WDR93: variants seen among roughly 807,000 people sequenced by gnomAD.
WDR93 encodes WD repeat-containing protein 93.
A neutral mutation model predicts 82.9 loss-of-function variants in WDR93; 73 were observed. The observed-to-expected ratio is 0.88, with a 90% CI of 0.73 to 1.07. The LOEUF is 1.07. Among genes scored for constraint, WDR93 ranks in the 50% least tolerant of loss-of-function variants. The probability of loss-of-function intolerance (pLI) is 0.00; values close to 1 mark genes in which losing one functional copy is unlikely to be tolerated. For missense variants in WDR93, 738 were observed against 826.0 expected (o/e 0.89, Z 1.31); for synonymous variants, 283 against 300.1 (o/e 0.94, Z 0.59).
intron 1 of WDR93, among the ~76,000 whole-genome samples, chr15:89,700,994 A>G (rs1965434604): frequency 6.6e-6 from 1 of 152,158 alleles, no homozygotes; most frequent in South Asian, 2.1e-4. Context: ...ACACACACAC[A>G]CACACACACA....
chr15:89,713,611 T>A (rs1402001939), intron 5 of WDR93, among the ~76,000 whole-genome samples: 1 of 152,010 alleles, frequency 6.6e-6, no homozygotes, highest in Non-Finnish European at 1.5e-5. Flanking sequence ...TAGCTGGGAT[T>A]ACAGGTACCT....
chr15:89,714,871 G>A (rs1174891732), intron 5 of WDR93, 109 bp from the exon 6 acceptor site: 6 of 832,026 alleles, frequency 7.2e-6, no homozygotes, highest in Non-Finnish European at 1.1e-5. Flanking sequence ...CTGGTATGGA[G>A]GTGGCTGGTC....
intron 16 of WDR93, among the ~76,000 whole-genome samples, chr15:89,741,721 C>T (rs930195908): frequency 8.6e-5 from 13 of 151,948 alleles, no homozygotes; most frequent in Non-Finnish European, 1.6e-4. Context: ...TTCATATAAC[C>T]GGTTATATAA....
intron 5 of WDR93, among the ~76,000 whole-genome samples, chr15:89,712,422 T>C (rs1966032017): frequency 7.3e-6 from 1 of 137,382 alleles, no homozygotes; most frequent in Non-Finnish European, 1.6e-5. Flanking sequence ...TTTTTTTTGC[T>C]CCAAAGTTCA....
At chr15:89,692,429 C>A (rs1964940434) in intron 1 of WDR93, among the ~76,000 whole-genome samples, 1 of 152,140 alleles carries the variant, frequency 6.6e-6, no homozygotes, top group Non-Finnish European at 1.5e-5. Flanking sequence ...CAGGTCAGGG[C>A]AATTCTGCAA....
At chr15:89,729,659 G>A (rs769935562) in intron 10 of WDR93, 24 bp from the exon 11 acceptor site, 1 of 1,601,118 alleles carries the variant, frequency 6.2e-7, no homozygotes, top group South Asian at 1.1e-5. Flanking sequence ...CCCATTTTCT[G>A]TCTTTCCCCC....
chr15:89,739,998 C>T (rs1014869066), intron 16 of WDR93, among the ~76,000 whole-genome samples: 5 of 152,118 alleles, frequency 3.3e-5, no homozygotes, highest in Admixed American at 1.3e-4. Flanking sequence ...AGACCTTGGG[C>T]GAGTTACTCA....
intron 8 of WDR93, among the ~76,000 whole-genome samples, chr15:89,723,717 G>A (rs1388212821): frequency 2.0e-5 from 3 of 152,224 alleles, no homozygotes; most frequent in Non-Finnish European, 4.4e-5. Context: ...GACACTTGAT[G>A]CATTACAGAG....
intron 15 of WDR93, 89 bp from the exon 16 acceptor site, chr15:89,737,952 G>A: frequency 7.0e-7 from 1 of 1,433,768 alleles, no homozygotes; most frequent in Non-Finnish European, 9.4e-7. Context: ...TTTATAAGCA[G>A]AGAGCAGCCC....
chr15:89,709,642 G>A (rs899195321), intron 4 of WDR93, among the ~76,000 whole-genome samples: 3 of 152,028 alleles, frequency 2.0e-5, no homozygotes, highest in African/African-American at 2.4e-5. Flanking sequence ...AAAGGAGACA[G>A]TGTTTCGCCA....
chr15:89,731,728 A>G (rs1010350166), intron 12 of WDR93, among the ~76,000 whole-genome samples, 166 bp downstream of exon 12: 5 of 152,148 alleles, frequency 3.3e-5, no homozygotes, highest in African/African-American at 9.7e-5. Context: ...TTCAACAAAC[A>G]TTTATTGGAT....
At chr15:89,718,963 G>A (rs7169409) in intron 7 of WDR93, among the ~76,000 whole-genome samples, 64,048 of 152,016 alleles carry the variant, frequency 0.42, 14,009 homozygotes, top group African/African-American at 0.49. Context: ...TACATCTTAC[G>A]TTTATTTTGA....
intron 16 of WDR93, among the ~76,000 whole-genome samples, chr15:89,739,308 G>A (rs1244665911): frequency 1.3e-5 from 2 of 152,124 alleles, no homozygotes; most frequent in African/African-American, 2.4e-5. Flanking sequence ...TGAAGGCTGC[G>A]AAGGAGACAG....
chr15:89,696,958 AGTTTGTTT>A (rs34170578), intron 1 of WDR93, among the ~76,000 whole-genome samples: 2 of 150,616 alleles, frequency 1.3e-5, no homozygotes, highest in African/African-American at 4.9e-5. Context: ...TAGTATTGTC[AGTTTGTTT>A]GTTTGTTTGT....
intron 1 of WDR93, among the ~76,000 whole-genome samples, chr15:89,697,878 A>ATT (rs377526780): frequency 1.4e-4 from 18 of 130,744 alleles, no homozygotes; most frequent in East Asian, 6.3e-4. Flanking sequence ...CACTTTTATA[A>ATT]TTTTTTTTTT....
chr15:89,709,923 G>C (rs1965889758), intron 4 of WDR93, among the ~76,000 whole-genome samples: 1 of 152,098 alleles, frequency 6.6e-6, no homozygotes, highest in African/African-American at 2.4e-5. Context: ...TACTGTGGGA[G>C]GCTGAGGCGG....
chr15:89,723,059 G>A (rs1361729664), intron 8 of WDR93, among the ~76,000 whole-genome samples: 1 of 151,794 alleles, frequency 6.6e-6, no homozygotes, highest in Non-Finnish European at 1.5e-5. Flanking sequence ...ACAAAAATTA[G>A]GCAGAGTGGC....
At chr15:89,737,068 G>A (rs1967256731) in intron 14 of WDR93, among the ~76,000 whole-genome samples, 1 of 152,226 alleles carries the variant, frequency 6.6e-6, no homozygotes, top group South Asian at 2.1e-4. Context: ...TGGGATTACA[G>A]GCATGAGCCA....
At chr15:89,732,962 C>T in intron 12 of WDR93, 44 bp from the exon 13 acceptor site, 9 of 1,595,290 alleles carry the variant, frequency 5.6e-6, no homozygotes, top group Non-Finnish European at 7.7e-6. Context: ...TGGCCTCCTC[C>T]CCTACCCCGT....
Sources: gnomAD v4.1 joint callset for allele counts (sites outside exome capture counted in the v4.1 genomes callset) on GRCh38, gnomAD v4.1.1 for gene constraint, MANE v1.5 for transcripts, NCBI Gene and HGNC (gene_info 2026-07-23, HGNC 2026-07-21) for gene names.